PDE8B: variants seen among roughly 807,000 people sequenced by gnomAD.
PDE8B encodes phosphodiesterase 8B, also known as high affinity cAMP-specific and IBMX-insensitive 3',5'-cyclic phosphodiesterase 8B.
PDE8B carries 26 observed loss-of-function variants against 101.3 expected under a neutral mutation model. That is an observed-to-expected ratio of 0.26 (90% confidence interval 0.19 to 0.36). The LOEUF (loss-of-function observed/expected upper bound fraction) is 0.36, where lower values mean the gene tolerates loss of function less well. PDE8B is among the 10% of genes least tolerant of loss of function. PDE8B has a pLI of 1.00. For synonymous variants in PDE8B, 424 were observed against 429.3 expected (o/e 0.99, Z 0.15); for missense variants, 810 against 1,163.1 (o/e 0.70, Z 4.42).
At chr5:77,424,587 G>C (rs753275177) in intron 20 of PDE8B, among the ~76,000 whole-genome samples, 13 of 152,146 alleles carry the variant, frequency 8.5e-5, no homozygotes, top group Non-Finnish European at 1.5e-4. Context: ...TGAAAATAAT[G>C]GTCCATGGAT....
chr5:77,363,042 A>G (rs1783422034), intron 10 of PDE8B, among the ~76,000 whole-genome samples: 1 of 152,234 alleles, frequency 6.6e-6, no homozygotes, highest in Admixed American at 6.5e-5. Context: ...AGTGGAGCTC[A>G]TGGAAGAGCC....
At chr5:77,297,540 C>A (rs150537305) in intron 1 of PDE8B, among the ~76,000 whole-genome samples, 1 of 152,188 alleles carries the variant, frequency 6.6e-6, no homozygotes, top group Non-Finnish European at 1.5e-5. Context: ...AGGGACCACA[C>A]CTTGAGAACC....
chr5:77,387,822 G>A (rs925598165), intron 10 of PDE8B, among the ~76,000 whole-genome samples: 2 of 151,530 alleles, frequency 1.3e-5, no homozygotes, highest in African/African-American at 4.9e-5. Flanking sequence ...TATTTCTTTA[G>A]TTGATCTTCA....
intron 1 of PDE8B, among the ~76,000 whole-genome samples, chr5:77,255,580 GC>G (rs1338524399): frequency 6.6e-6 from 1 of 152,146 alleles, no homozygotes; most frequent in Non-Finnish European, 1.5e-5. Context: ...CACCTCCCCA[GC>G]CCCGAACTCC....
At chr5:77,389,825 G>A (rs985205577) in intron 10 of PDE8B, among the ~76,000 whole-genome samples, 7 of 151,928 alleles carry the variant, frequency 4.6e-5, no homozygotes, top group South Asian at 2.1e-4. Flanking sequence ...TCAGTCTATC[G>A]CAGTGTGGAG....
chr5:77,124,526 G>A, the PDE8B span, among the ~76,000 whole-genome samples: 3 of 151,820 alleles, frequency 2.0e-5, no homozygotes, highest in Admixed American at 6.6e-5. Flanking sequence ...GGTTGAGGCT[G>A]TAGTGAGCTG....
At chr5:77,294,368 G>A (rs903812998) in intron 1 of PDE8B, among the ~76,000 whole-genome samples, 1 of 152,318 alleles carries the variant, frequency 6.6e-6, no homozygotes, top group East Asian at 1.9e-4. Flanking sequence ...GAAGGGGACA[G>A]TCCCCCAGGA....
At chr5:77,176,859 T>C in the PDE8B span, among the ~76,000 whole-genome samples, 1 of 152,110 alleles carries the variant, frequency 6.6e-6, no homozygotes, top group Non-Finnish European at 1.5e-5. Context: ...ATGCTTGGAG[T>C]TGTCCAGGAG....
chr5:77,290,494 A>T, intron 1 of PDE8B: 1 of 1,467,606 alleles, frequency 6.8e-7, no homozygotes, highest in Non-Finnish European at 9.5e-7. Flanking sequence ...ATCTGGGCAG[A>T]TATTCCTGCT....
chr5:77,145,198 T>C, the PDE8B span: 1 of 152,064 alleles, frequency 6.6e-6, no homozygotes, highest in Non-Finnish European at 1.5e-5. Flanking sequence ...ATCATCACAA[T>C]GATACATATA....
At chr5:77,123,359 C>CG in the PDE8B span, among the ~76,000 whole-genome samples, 2 of 146,810 alleles carry the variant, frequency 1.4e-5, no homozygotes, top group Non-Finnish European at 3.0e-5. Context: ...GAATTCCTCC[C>CG]CCACCGCCCC....
the PDE8B span, among the ~76,000 whole-genome samples, chr5:77,115,852 T>C: frequency 1.3e-5 from 2 of 152,234 alleles, no homozygotes; most frequent in Admixed American, 1.3e-4. Context: ...GGATAATGCC[T>C]ATTGTATCCA....
Position 77,329,063 on chromosome 5 carries a change from T to C in PDE8B, c.650+6T>C. ...CTCGCAGTGGTTTCGCGAGTGTAAG[T>C]GCACCTCCCATTCCCAGATGGAAGG... On this transcript the variant is annotated splice_donor_region_variant and intron_variant, in intron 4 of 21. Coordinates refer to ENST00000264917, the MANE Select transcript of PDE8B (RefSeq NM_003719.5). 6.2e-7 allele frequency: 1 copy of C among 1,608,838 alleles called. No individual in the cohort carries two copies. Among genetic ancestry groups the C allele is most frequent in the Non-Finnish European group, 8.5e-7 (1 of 1,175,196 alleles).
chr5:77,245,171 T>C (rs186433726), intron 1 of PDE8B, among the ~76,000 whole-genome samples: 2 of 152,188 alleles, frequency 1.3e-5, no homozygotes, highest in African/African-American at 4.8e-5. Context: ...AACTAGAACA[T>C]TGTCATACAG....
At chr5:77,097,720 T>TATATATATATATATAG in the PDE8B span, among the ~76,000 whole-genome samples, 1 of 41,900 alleles carries the variant, frequency 2.4e-5, no homozygotes. Context: ...TATATATATA[T>TATATATATATATATAG]ATATATATAT....
At chr5:77,403,892 C>G (rs1302238727) in intron 11 of PDE8B, among the ~76,000 whole-genome samples, 2 of 152,060 alleles carry the variant, frequency 1.3e-5, no homozygotes, top group Non-Finnish European at 2.9e-5. Context: ...AATCTCAGCT[C>G]ACTGCAACCT....
At chr5:77,312,769 A>G (rs1772950268) in intron 2 of PDE8B, among the ~76,000 whole-genome samples, 1 of 152,230 alleles carries the variant, frequency 6.6e-6, no homozygotes, top group South Asian at 2.1e-4. Flanking sequence ...GTTACCATTA[A>G]TGATAGCAGT....
At chr5:77,110,136 T>A in the PDE8B span, among the ~76,000 whole-genome samples, 1 of 151,884 alleles carries the variant, frequency 6.6e-6, no homozygotes, top group Non-Finnish European at 1.5e-5. Context: ...TAAGTAGATA[T>A]GGGGTTTTAC....
At chr5:77,381,618 G>GTT (rs140446995) in intron 10 of PDE8B, among the ~76,000 whole-genome samples, 6,505 of 150,128 alleles carry the variant, frequency 0.043, 158 homozygotes, top group African/African-American at 0.074. Flanking sequence ...TTTTGTTTTT[G>GTT]TTTTTTTTTA....
Sources: allele counts gnomAD v4.1 joint callset (sites outside exome capture counted in the v4.1 genomes callset), GRCh38; gene constraint gnomAD v4.1.1; transcripts MANE v1.5; gene names NCBI Gene and HGNC (gene_info 2026-07-23, HGNC 2026-07-21).